MYBPC2: variants seen among roughly 807,000 people sequenced by gnomAD.
The protein encoded by MYBPC2 is myosin binding protein C2.
In MYBPC2, 122 loss-of-function variants were observed where a neutral mutation model predicts 137.0. The ratio of observed to expected loss-of-function variants is 0.89; its 90% CI spans 0.77 to 1.03. The LOEUF (loss-of-function observed/expected upper bound fraction) is 1.03, where lower values mean the gene tolerates loss of function less well. MYBPC2 is among the 50% of genes least tolerant of loss of function. The pLI is 0.00. For synonymous variants in MYBPC2, 626 were observed against 612.3 expected (o/e 1.02, Z -0.33); for missense variants, 1,500 against 1,534.4 (o/e 0.98, Z 0.37).
Position 50,454,139 on chromosome 19 carries a change from C to T in MYBPC2, c.1869C>T (p.Pro623=), listed in dbSNP as rs367652504. ...EGRYTIKVTN[P]VGEDVASIFL... ...GCTACACCATCAAGGTCACCAACCC[C>T]GTCGGCGAGGACGTGGCTTCCATCT... Residue 623 remains proline (P), a synonymous_variant, in exon 17 of 28, where the codon CCC becomes CCT. Transcript: ENST00000357701. The T allele has an allele frequency of 7.8e-4, 1,261 of 1,613,628 alleles. 10 individuals are homozygous for T. The Middle Eastern group carries it at 0.011, about 14-fold the overall frequency.
In MYBPC2 at chr19:50,466,219, C is replaced by A. The variant is rs773408422; in HGVS notation, c.*14C>A. On this transcript the variant is annotated 3_prime_UTR_variant, in exon 28 of 28. Transcript: ENST00000357701. The surrounding 1 kb of genome is among the most constrained non-coding windows in gnomAD (Gnocchi z 4.9). ...GTGCCGCAGTGAGACCTGTCCCCTACCTGCCAAGACAATTGGTGGTGGAGT... is the reference window on the plus strand; with the variant it reads ...GTGCCGCAGTGAGACCTGTCCCCTAACTGCCAAGACAATTGGTGGTGGAGT... 2.5e-6 allele frequency: 4 copies of A among 1,613,946 alleles called. No individual in the cohort carries two copies. The South Asian group carries it at 3.3e-5, about 13-fold the overall frequency.
rs552973474 is a variant in MYBPC2 at position 50,465,575 on chromosome 19, C to T, written c.3416-620C>T. Among the ~76,000 whole-genome samples, 10 of 152,218 alleles carry T rather than the reference C, an allele frequency of 6.6e-5. No homozygotes were observed. The highest frequency in any genetic ancestry group is 1.2e-4 in the Non-Finnish European group (8 of 68,034). On this transcript the variant is annotated intron_variant, in intron 27 of 27. Coordinates refer to ENST00000357701, the MANE Select transcript of MYBPC2 (RefSeq NM_004533.4). The surrounding 1 kb of genome is among the most constrained non-coding windows in gnomAD (Gnocchi z 4.5). ...GACACTTTCTAGCCAAGCACGGTGG[C>T]TCTCGCCTGTAATCCCAGCACATTG...
chr19:50,449,610 C>T (rs979939862), intron 13 of MYBPC2, among the ~76,000 whole-genome samples: 2 of 152,326 alleles, frequency 1.3e-5, no homozygotes, highest in Non-Finnish European at 2.9e-5. Context: ...GCATGGACAC[C>T]GGCAGGGAAA....
At chr19:50,462,263 T>G (rs973343637) in intron 26 of MYBPC2, among the ~76,000 whole-genome samples, 2 of 151,942 alleles carry the variant, frequency 1.3e-5, no homozygotes, top group Non-Finnish European at 2.9e-5. Context: ...CACAGCTCAC[T>G]GCAACTTTGA....
In MYBPC2 at chr19:50,446,033, G is replaced by A. The variant is rs764864170; in HGVS notation, c.1287G>A (p.Glu429=). The A allele has an allele frequency of 3.1e-5, 50 of 1,613,142 alleles. No individual in the cohort carries two copies. The highest frequency in any genetic ancestry group is 1.8e-4 in the South Asian group (16 of 90,786). ...YQVITNGGQC[E]AELIVEEKQL... ...TCATAACCAATGGCGGCCAGTGTGA[G>A]GCCGAGCTGATTGTGGAAGGTATGG... The change falls in exon 12 of 28, where the codon GAG becomes GAA. Residue 429 remains glutamate (E), a synonymous_variant. Transcript: ENST00000357701.
Position 50,440,887 on chromosome 19 carries a change from G to C in MYBPC2, c.580G>C (p.Val194Leu). 5 of 1,612,900 alleles carry C rather than the reference G, an allele frequency of 3.1e-6. No individual in the cohort carries two copies. Among genetic ancestry groups the C allele is most frequent in the Non-Finnish European group, 4.2e-6 (5 of 1,179,320 alleles). The change falls in exon 8 of 28, where the codon GTG (valine) becomes CTG (leucine). Residue 194 changes from valine (V) to leucine (L), a missense_variant. Coordinates refer to ENST00000357701, the MANE Select transcript of MYBPC2 (RefSeq NM_004533.4). Reference protein sequence around the residue: ...FSGLLKKREVVEEEKKKKKKD... With the variant: ...FSGLLKKREVLEEEKKKKKKD... Reference sequence around the variant, plus strand: ...CGTTCCCCCACCCGCCAGGGAGGTGGTGGAGGAGGAGAAGAAGAAGAAAAA... The same window carrying C: ...CGTTCCCCCACCCGCCAGGGAGGTGCTGGAGGAGGAGAAGAAGAAGAAAAA...
chr19:50,433,670 C>T (rs1403983898), intron 1 of MYBPC2, among the ~76,000 whole-genome samples: 1 of 151,810 alleles, frequency 6.6e-6, no homozygotes, highest in African/African-American at 2.4e-5. Context: ...GCTGGGATGA[C>T]AGGCATGAGC....
rs555253993 is a variant in MYBPC2, at chr19:50,432,916, G to A, written c.-38G>A. ...TGTCCTCCCTAGGGCCTAGCGGGAC[G>A]CGGCTGCGGTCAGAGGAGCAGGAGG... On this transcript the variant is annotated 5_prime_UTR_variant, in exon 1 of 28. Coordinates refer to ENST00000357701, the MANE Select transcript of MYBPC2 (RefSeq NM_004533.4). This position sits in a 1 kb window ranked among gnomAD's most constrained non-coding sequence, Gnocchi z 5.5. 4.4e-6 allele frequency: 7 copies of A among 1,602,166 alleles called. No individual in the cohort carries two copies. Among genetic ancestry groups the A allele is most frequent in the South Asian group, 3.4e-5 (3 of 89,136 alleles).
intron 12 of MYBPC2, among the ~76,000 whole-genome samples, chr19:50,447,022 G>A (rs914972023): frequency 6.0e-5 from 9 of 149,116 alleles, no homozygotes; most frequent in African/African-American, 2.2e-4. Context: ...ACCAACCACA[G>A]CCCCCCTGTT....
intron 7 of MYBPC2, among the ~76,000 whole-genome samples, chr19:50,440,323 A>AAAATAAAATAAAAT: frequency 7.2e-6 from 1 of 139,106 alleles, no homozygotes; most frequent in African/African-American, 2.7e-5. Context: ...CTGTGGAAAT[A>AAAATAAAATAAAAT]AAATAAATAA....
chr19:50,458,805 G>A (rs3745518), intron 21 of MYBPC2, 51 bp downstream of exon 21: 881,882 of 1,601,042 alleles, frequency 0.55, 245,991 homozygotes, highest in Admixed American at 0.69. Context: ...GCGTCGTCCC[G>A]CCTGCCCTTT....
chr19:50,446,831 A>T (rs1275545267), intron 12 of MYBPC2, among the ~76,000 whole-genome samples: 1 of 150,518 alleles, frequency 6.6e-6, no homozygotes, highest in African/African-American at 2.4e-5. Context: ...AAAAAAAAAA[A>T]AAAAAATTAG....
chr19:50,445,119 G>A (rs1410337431), intron 11 of MYBPC2, among the ~76,000 whole-genome samples: 1 of 152,094 alleles, frequency 6.6e-6, no homozygotes, highest in Admixed American at 6.6e-5. Context: ...GGACTCAGGA[G>A]GTCAGGGAAG....
chr19:50,458,603 T>C lies in MYBPC2; in HGVS notation c.2355T>C (p.Pro785=), dbSNP rs1401352952. The C allele has an allele frequency of 8.1e-6, 13 of 1,612,388 alleles. No individual in the cohort carries two copies. Among genetic ancestry groups the C allele is most frequent in the Non-Finnish European group, 1.1e-5 (13 of 1,179,876 alleles). The change falls in exon 21 of 28, where the codon CCT becomes CCC. Residue 785 remains proline, a synonymous_variant. Coordinates refer to ENST00000357701, the MANE Select transcript of MYBPC2 (RefSeq NM_004533.4). ...YCLEGSEEWV[P]ANTEPVERCG... ...TCTCTCCAGCCGAGGAATGGGTCCC[T>C]GCCAACACCGAGCCCGTGGAGCGCT...
chr19:50,449,655 G>T (rs2122597553), intron 13 of MYBPC2, among the ~76,000 whole-genome samples: 1 of 152,322 alleles, frequency 6.6e-6, no homozygotes, highest in Non-Finnish European at 1.5e-5. Context: ...GTCAACATGG[G>T]CTCCAGCTCA....
Position 50,436,606 on chromosome 19 carries a change from C to T in MYBPC2, c.346-11C>T. The T allele has an allele frequency of 1.2e-6, 2 of 1,611,996 alleles. No individual in the cohort carries two copies. Among genetic ancestry groups the T allele is most frequent in the Non-Finnish European group, 1.7e-6 (2 of 1,178,288 alleles). ...GGTCCCGTGCACCCACACCCCCGGC[C>T]CTGGACCCAGGTGTACACCGTGGAG... On this transcript the variant is annotated splice_polypyrimidine_tract_variant and intron_variant, in intron 4 of 27. Transcript: ENST00000357701.
At chr19:50,462,062 C>G in intron 26 of MYBPC2, 26 bp downstream of exon 26, 1 of 1,560,786 alleles carries the variant, frequency 6.4e-7, no homozygotes, top group Non-Finnish European at 8.7e-7. Context: ...CCCAGATCTG[C>G]GTGTGTGTTG....
At chr19:50,457,702 TGGAGTC>T (rs2039926794) in intron 20 of MYBPC2, among the ~76,000 whole-genome samples, 1 of 136,862 alleles carries the variant, frequency 7.3e-6, no homozygotes, top group Non-Finnish European at 1.6e-5. Flanking sequence ...TTTTTTTTGA[TGGAGTC>T]TTGGTCTGTC....
At chr19:50,448,618 C>T (rs1413003778) in intron 13 of MYBPC2, among the ~76,000 whole-genome samples, 2 of 151,670 alleles carry the variant, frequency 1.3e-5, no homozygotes, top group East Asian at 3.9e-4. Flanking sequence ...CACCACCACG[C>T]CTGACTAATT....
Sources: gnomAD v4.1 joint callset for allele counts (sites outside exome capture counted in the v4.1 genomes callset) on GRCh38, gnomAD v4.1.1 for gene constraint, Gnocchi (gnomAD v3.1) non-coding constraint, MANE v1.5 for transcripts, NCBI Gene and HGNC (gene_info 2026-07-23, HGNC 2026-07-21) for gene names.